The following ZNF44 variants were observed in gnomAD, a reference collection of about 807,000 sequenced individuals.
ZNF44 encodes the protein zinc finger protein 44, also known as gonadotropin inducible transcription repressor-2.
ZNF44 carries 9 observed loss-of-function variants against 11.7 expected under a neutral mutation model. That is an observed-to-expected ratio of 0.77 (90% confidence interval 0.46 to 1.35). ZNF44 has a LOEUF of 1.35. ZNF44 is among the 40% of genes most tolerant of loss of function. The pLI is 0.00. For synonymous variants in ZNF44, 224 were observed against 242.7 expected (o/e 0.92, Z 0.72); for missense variants, 696 against 743.1 (o/e 0.94, Z 0.74).
chr19:12,278,728 G>GA (rs34953684), intron 1 of ZNF44, among the ~76,000 whole-genome samples: 60 of 143,732 alleles, frequency 4.2e-4, no homozygotes, highest in Non-Finnish European at 5.4e-4. Flanking sequence ...CTATTTCAAG[G>GA]AAAAAAAAAA....
chr19:12,239,215 C>G (rs1039600926), upstream of ZNF44, among the ~76,000 whole-genome samples: 2 of 151,830 alleles, frequency 1.3e-5, no homozygotes, highest in African/African-American at 4.8e-5. Context: ...CGGGTTCAAG[C>G]AGTTCTCCTG....
chr19:12,276,115 T>C lies in ZNF44; in HGVS notation c.4-33A>G, dbSNP rs767054025. 6.9e-6 allele frequency: 11 copies of C among 1,587,650 alleles called. No individual in the cohort carries two copies. In the South Asian group the frequency reaches 9.9e-5, roughly 14 times the overall value. On this transcript the variant is annotated intron_variant, in intron 1 of 3. Coordinates refer to ENST00000355684, the MANE Select transcript of ZNF44 (RefSeq NM_016264.4). ...ATCCCATATGTCCAGAAAAGGAAGG[T>C]TGAAACTCACAGTACTGAGAACCTA...
At chr19:12,258,160 CAA>C (rs770370872) in intron 5 of ZNF44, among the ~76,000 whole-genome samples, 11,542 of 54,854 alleles carry the variant, frequency 0.21, 282 homozygotes, top group African/African-American at 0.35. Flanking sequence ...CTCATCTCTA[CAA>C]AAAAAAAAAA....
chr19:12,261,482 A>T (rs1917506316), intron 5 of ZNF44, among the ~76,000 whole-genome samples: 1 of 152,168 alleles, frequency 6.6e-6, no homozygotes, highest in Admixed American at 6.5e-5. Flanking sequence ...TAAAAAATGA[A>T]GTAGCTGGGT....
chr19:12,256,697 C>CTTT (rs950614463), intron 5 of ZNF44, among the ~76,000 whole-genome samples: 193 of 102,766 alleles, frequency 1.9e-3, no homozygotes, highest in Middle Eastern at 5.7e-3. Flanking sequence ...AGCAATTACT[C>CTTT]TTTTTTTTTT....
At chr19:12,284,759 C>CG (rs1315815419) in intron 1 of ZNF44, 1 of 848,986 alleles carries the variant, frequency 1.2e-6, no homozygotes, top group African/African-American at 1.7e-5. Context: ...CTGCCATCCG[C>CG]GGGGCCATCA....
chr19:12,254,009 G>T (rs142134507), intron 5 of ZNF44, among the ~76,000 whole-genome samples: 450 of 152,014 alleles, frequency 3.0e-3, no homozygotes, highest in African/African-American at 0.01. Context: ...GGACACAGGT[G>T]AACTGAATAG....
intron 5 of ZNF44, chr19:12,266,410 G>A: frequency 5.4e-6 from 5 of 923,378 alleles, no homozygotes; most frequent in South Asian, 1.0e-4. Flanking sequence ...AGGGCGCCAA[G>A]GCGAGAGGGA....
At chr19:12,237,016 T>C (rs1253731190) in intron 1 of ZNF44, 1 of 152,214 alleles carries the variant, frequency 6.6e-6, no homozygotes, top group Non-Finnish European at 1.5e-5. Flanking sequence ...GAACAAGCCA[T>C]GGTTGGGTTA....
chr19:12,260,278 A>G (rs978394329), intron 5 of ZNF44: 28 of 838,482 alleles, frequency 3.3e-5, no homozygotes, highest in Non-Finnish European at 5.2e-5. Context: ...GTGGGCGTGG[A>G]GCCGGCAGCC....
intron 1 of ZNF44, among the ~76,000 whole-genome samples, chr19:12,285,637 C>T (rs1442993750): frequency 6.6e-6 from 1 of 152,156 alleles, no homozygotes; most frequent in Non-Finnish European, 1.5e-5. Flanking sequence ...AGCAATGTTC[C>T]CCCATGTGTT....
At chr19:12,235,377 A>AAAAAC (rs542071830) in intron 1 of ZNF44, among the ~76,000 whole-genome samples, 10 of 152,184 alleles carry the variant, frequency 6.6e-5, no homozygotes, top group Non-Finnish European at 8.8e-5. Flanking sequence ...TCGTCTCGAA[A>AAAAAC]AAAACAAAAC....
At chr19:12,279,499 C>A (rs1599536313) in intron 1 of ZNF44, among the ~76,000 whole-genome samples, 1 of 151,752 alleles carries the variant, frequency 6.6e-6, no homozygotes, top group Admixed American at 6.6e-5. Context: ...CCCAAAAAAA[C>A]CCCAGAGAAA....
intron 1 of ZNF44, among the ~76,000 whole-genome samples, chr19:12,293,536 G>A (rs2145777841): frequency 6.6e-6 from 1 of 152,210 alleles, no homozygotes; most frequent in South Asian, 2.1e-4. Flanking sequence ...AAATGTTAAG[G>A]AAAACAAAAT....
chr19:12,231,622 T>G (rs1916167776), intron 2 of ZNF44, among the ~76,000 whole-genome samples: 1 of 152,184 alleles, frequency 6.6e-6, no homozygotes, highest in African/African-American at 2.4e-5. Flanking sequence ...ACAGGAGATT[T>G]GTGGATTTAA....
chr19:12,286,987 T>G (rs940339806), intron 1 of ZNF44, among the ~76,000 whole-genome samples: 1 of 151,646 alleles, frequency 6.6e-6, no homozygotes, highest in African/African-American at 2.4e-5. Flanking sequence ...TTCAGTAGCC[T>G]TGGGTAATAC....
chr19:12,250,115 G>A lies in ZNF44; in HGVS notation c.*126-77C>T, dbSNP rs1032332401. The A allele has an allele frequency of 2.4e-6, 3 of 1,245,386 alleles. No homozygotes were observed. In the African/African-American group the frequency reaches 4.7e-5, roughly 20 times the overall value. 77.1% of individuals were successfully genotyped at this position (1,245,386 alleles called of 1,614,324 possible). A position where few individuals can be genotyped will look rare whatever the true frequency, so the allele number is the denominator to read the frequency against. On this transcript the variant is annotated intron_variant and NMD_transcript_variant, in intron 6 of 7. Coordinates refer to the ZNF44 transcript ENST00000393337. Reference sequence around the variant, plus strand: ...AAATTATTAGATTCTAGGTCCATATGTGACCATGCCTGATTTACAAAAGAA... The same window carrying A: ...AAATTATTAGATTCTAGGTCCATATATGACCATGCCTGATTTACAAAAGAA...
At chr19:12,276,232 A>G in intron 1 of ZNF44, 150 bp from the exon 2 acceptor site, 1 of 1,227,076 alleles carries the variant, frequency 8.1e-7, no homozygotes, top group Non-Finnish European at 1.1e-6. Context: ...GTCTGCACTC[A>G]CTGTCTGATG....
intron 5 of ZNF44, among the ~76,000 whole-genome samples, chr19:12,264,266 T>C (rs946161143): frequency 1.3e-5 from 2 of 152,160 alleles, no homozygotes; most frequent in African/African-American, 4.8e-5. Flanking sequence ...GGTGTGAGTA[T>C]GTAGGACACC....
Sources: gnomAD v4.1 joint callset for allele counts (sites outside exome capture counted in the v4.1 genomes callset) on GRCh38, gnomAD v4.1.1 for gene constraint, MANE v1.5 for transcripts, NCBI Gene and HGNC (gene_info 2026-07-23, HGNC 2026-07-21) for gene names.